Variants in QTMAN observed in about 807,000 individuals in gnomAD.
QTMAN encodes the protein tRNA-queuosine alpha-mannosyltransferase.
chr2:144,157,446 TC>T, the QTMAN span, among the ~76,000 whole-genome samples: 1 of 151,954 alleles, frequency 6.6e-6, no homozygotes, highest in Non-Finnish European at 1.5e-5. Context: ...CTCAGAGCTG[TC>T]CCTTCTTCCT....
the QTMAN span, among the ~76,000 whole-genome samples, chr2:144,127,042 T>A: frequency 6.6e-6 from 1 of 151,952 alleles, no homozygotes; most frequent in African/African-American, 2.4e-5. Context: ...ATTAACACAT[T>A]AACGCTTACC....
At chr2:144,270,718 C>T in the QTMAN span, among the ~76,000 whole-genome samples, 2 of 152,188 alleles carry the variant, frequency 1.3e-5, no homozygotes, top group Admixed American at 1.3e-4. Context: ...GGGCTTAAAA[C>T]CTAGATGATG....
At chr2:144,318,720 G>GT in the QTMAN span, among the ~76,000 whole-genome samples, 1 of 152,144 alleles carries the variant, frequency 6.6e-6, no homozygotes, top group African/African-American at 2.4e-5. Context: ...AGATTTCAAG[G>GT]TAAGTCATGA....
At chr2:144,186,929 G>C in the QTMAN span, among the ~76,000 whole-genome samples, 1 of 152,106 alleles carries the variant, frequency 6.6e-6, no homozygotes, top group Admixed American at 6.6e-5. Context: ...AATGACAGCA[G>C]TTTGATTAGA....
the QTMAN span, among the ~76,000 whole-genome samples, chr2:144,199,235 G>A: frequency 6.6e-6 from 1 of 152,214 alleles, no homozygotes; most frequent in African/African-American, 2.4e-5. Flanking sequence ...TTTTAGTACA[G>A]GCAGGGTTTC....
At chr2:144,234,025 A>G in the QTMAN span, among the ~76,000 whole-genome samples, 1 of 152,156 alleles carries the variant, frequency 6.6e-6, no homozygotes, top group Non-Finnish European at 1.5e-5. Context: ...AAGAAGTATT[A>G]TAATTTTTAG....
the QTMAN span, among the ~76,000 whole-genome samples, chr2:144,116,948 G>T: frequency 0.044 from 6,706 of 152,138 alleles, 493 homozygotes; most frequent in African/African-American, 0.15. Flanking sequence ...TTGGGGTTTT[G>T]TCACTCTAGG....
the QTMAN span, among the ~76,000 whole-genome samples, chr2:144,283,394 T>C: frequency 3.3e-5 from 5 of 152,224 alleles, no homozygotes; most frequent in African/African-American, 1.2e-4. Context: ...GGTGAAGTAT[T>C]CTGTGCTGAG....
At chr2:144,082,515 C>T in the QTMAN span, among the ~76,000 whole-genome samples, 20 of 152,218 alleles carry the variant, frequency 1.3e-4, no homozygotes, top group African/African-American at 4.6e-4. Context: ...CTGAATCCTT[C>T]CTCTATCTCT....
chr2:144,039,003 C>G, the QTMAN span, among the ~76,000 whole-genome samples: 1 of 152,020 alleles, frequency 6.6e-6, no homozygotes, highest in Non-Finnish European at 1.5e-5. Flanking sequence ...AATTTGAGAC[C>G]TGCTAGGGAC....
chr2:144,029,293 G>A, the QTMAN span, among the ~76,000 whole-genome samples: 12 of 152,204 alleles, frequency 7.9e-5, no homozygotes, highest in African/African-American at 2.9e-4. Context: ...ATTATTAGAG[G>A]GAGACTCCTG....
At chr2:144,324,675 C>T in the QTMAN span, among the ~76,000 whole-genome samples, 1 of 152,126 alleles carries the variant, frequency 6.6e-6, no homozygotes, top group Non-Finnish European at 1.5e-5. Context: ...TACCCACCTA[C>T]CCAAGGTAAT....
the QTMAN span, among the ~76,000 whole-genome samples, chr2:144,217,681 T>C: frequency 6.6e-6 from 1 of 152,122 alleles, no homozygotes; most frequent in African/African-American, 2.4e-5. Flanking sequence ...CCTTATTCTT[T>C]ACCCCTCAGC....
At chr2:144,105,477 T>C in the QTMAN span, among the ~76,000 whole-genome samples, 2 of 152,224 alleles carry the variant, frequency 1.3e-5, no homozygotes, top group East Asian at 1.9e-4. Flanking sequence ...CAGTAGCCGA[T>C]TCAATCAACT....
the QTMAN span, among the ~76,000 whole-genome samples, chr2:144,292,119 A>G: frequency 0.011 from 1,708 of 152,312 alleles, 12 homozygotes; most frequent in Non-Finnish European, 0.018. Flanking sequence ...GTAGTTATCA[A>G]TATATCAGAG....
chr2:144,235,127 G>T, the QTMAN span, among the ~76,000 whole-genome samples: 2 of 152,150 alleles, frequency 1.3e-5, no homozygotes, highest in Admixed American at 6.5e-5. Flanking sequence ...TGCAGGCAAG[G>T]CATTCATGTA....
the QTMAN span, among the ~76,000 whole-genome samples, chr2:144,248,235 C>T: frequency 6.6e-6 from 1 of 151,840 alleles, no homozygotes; most frequent in African/African-American, 2.4e-5. Flanking sequence ...TTAAATGATG[C>T]TGTAGAAAAA....
At chr2:144,142,079 A>G in the QTMAN span, 1 of 1,577,158 alleles carries the variant, frequency 6.3e-7, no homozygotes, top group African/African-American at 1.4e-5. Flanking sequence ...AGACAAATGC[A>G]AATGATGAGC....
the QTMAN span, among the ~76,000 whole-genome samples, chr2:144,164,063 C>CT: frequency 4.0e-4 from 61 of 152,168 alleles, no homozygotes; most frequent in South Asian, 0.012. Flanking sequence ...GCTGGGACCA[C>CT]AGGTGTGCGC....
Sources: allele counts gnomAD v4.1 joint callset (sites outside exome capture counted in the v4.1 genomes callset), GRCh38; gene constraint gnomAD v4.1.1; transcripts MANE v1.5; gene names NCBI Gene and HGNC (gene_info 2026-07-23, HGNC 2026-07-21).